The following IARS1 variants were observed in gnomAD, a reference collection of about 807,000 sequenced individuals.
IARS1 encodes the protein isoleucine--tRNA ligase, cytoplasmic.
IARS1 carries 124 observed loss-of-function variants against 168.2 expected under a neutral mutation model. That is an observed-to-expected ratio of 0.74 (90% CI 0.64 to 0.86). The LOEUF (loss-of-function observed/expected upper bound fraction) is 0.86, where lower values mean the gene tolerates loss of function less well. IARS1 is among the 40% of genes least tolerant of loss of function. The probability of loss-of-function intolerance (pLI) is 0.00; values close to 1 mark genes in which losing one functional copy is unlikely to be tolerated. For missense variants in IARS1, 1,452 were observed against 1,515.8 expected (o/e 0.96, Z 0.70); for synonymous variants, 532 against 529.4 (o/e 1.00, Z -0.07).
At chr9:92,289,829 G>A (rs1026352340) in intron 1 of IARS1, among the ~76,000 whole-genome samples, 3 of 152,096 alleles carry the variant, frequency 2.0e-5, no homozygotes, top group Non-Finnish European at 4.4e-5. Flanking sequence ...TATTGCATCT[G>A]GTTTCCTTTC....
In IARS1 at chr9:92,223,375, T is replaced by C. The variant is rs1228122014; in HGVS notation, c.3524A>G (p.Asn1175Ser). Reference sequence around the variant, plus strand: ...TGGCTTTGCATTCAGGAGCTGTAGGTTGATATACTGACAAAGAAGAGTACT... The same window carrying C: ...TGGCTTTGCATTCAGGAGCTGTAGGCTGATATACTGACAAAGAAGAGTACT... ...SSSTLLCQYI[N>S]LQLLNAKPQE... The change falls in exon 32 of 34, where the codon AAC (asparagine) becomes AGC (serine). Residue 1175 changes from asparagine (N) to serine (S), a missense_variant. Physicochemically the swap from Asn to Ser is conservative, Grantham distance 46. Transcript: ENST00000443024. 8 of 1,613,558 alleles carry C rather than the reference T, an allele frequency of 5.0e-6. No individual in the cohort carries two copies. Among genetic ancestry groups the C allele is most frequent in the East Asian group, 2.2e-5 (1 of 44,894 alleles).
At chr9:92,256,597 A>G (rs1011388607) in intron 20 of IARS1, 83 bp downstream of exon 20, 26 of 1,314,830 alleles carry the variant, frequency 2.0e-5, no homozygotes, top group Non-Finnish European at 2.4e-5. Context: ...GTATCTCTCA[A>G]TATTTCCACT....
rs372674509 is a variant in IARS1 at position 92,215,624 on chromosome 9, T to C, written c.3707-4735A>G. On this transcript the variant is annotated intron_variant, in intron 33 of 33. Transcript: ENST00000443024. Reference sequence around the variant, plus strand: ...CAAGGCTCGAGAACTACGTGAAGAATGCAGAAGCCTCAGGAGCCGATGCGA... The same window carrying C: ...CAAGGCTCGAGAACTACGTGAAGAACGCAGAAGCCTCAGGAGCCGATGCGA... Among the ~76,000 whole-genome samples the C allele has an allele frequency of 1.1e-4, 17 of 151,930 alleles. No individual in the cohort carries two copies. In the East Asian group the frequency reaches 3.3e-3, roughly 29 times the overall value.
chr9:92,279,558 G>A (rs1240001952), intron 7 of IARS1, among the ~76,000 whole-genome samples: 2 of 152,036 alleles, frequency 1.3e-5, no homozygotes, highest in Admixed American at 6.5e-5. Flanking sequence ...AACTCCCTCC[G>A]TACCTTTTTT....
At chr9:92,232,255 A>G (rs1279008256) in intron 30 of IARS1, among the ~76,000 whole-genome samples, 5 of 152,214 alleles carry the variant, frequency 3.3e-5, no homozygotes, top group Admixed American at 6.5e-5. Flanking sequence ...TTAAATGATG[A>G]ATATTCATTG....
chr9:92,241,518 G>A (rs1048517757), intron 29 of IARS1, among the ~76,000 whole-genome samples: 5 of 151,942 alleles, frequency 3.3e-5, no homozygotes, highest in African/African-American at 4.8e-5. Context: ...GCTAATTTTC[G>A]TATTTTTAGT....
At chr9:92,252,417 A>G (rs759434982) in intron 21 of IARS1, 2 of 514,038 alleles carry the variant, frequency 3.9e-6, no homozygotes, top group South Asian at 2.8e-5. Flanking sequence ...TGTGAGATAC[A>G]TCTGCACAAA....
rs953302251 is a variant in IARS1, at chr9:92,264,992, C to T, written c.1637G>A (p.Arg546Lys). ...TGCAGGAAAAGCATCCTCAAACTCC[C>T]TCTTGTTTTCAAACGGGTAATGAAC... ...AQVHYPFENKREFEDAFPADF... is the reference protein window; with the variant it reads ...AQVHYPFENKKEFEDAFPADF... Residue 546 changes from arginine to lysine, a missense_variant, in exon 16 of 34, where the codon AGG (arginine) becomes AAG (lysine). Transcript: ENST00000443024. 2.5e-6 allele frequency: 4 copies of T among 1,614,186 alleles called. No homozygotes were observed. The highest frequency in any genetic ancestry group is 2.5e-6 in the Non-Finnish European group (3 of 1,180,026).
chr9:92,231,117 G>C (rs1826609149), intron 30 of IARS1, among the ~76,000 whole-genome samples: 1 of 152,144 alleles, frequency 6.6e-6, no homozygotes, highest in South Asian at 2.1e-4. Flanking sequence ...CCCTTTTAAG[G>C]ACAGTGTTTT....
At chr9:92,282,284 T>C (rs980590515) in intron 6 of IARS1, among the ~76,000 whole-genome samples, 3 of 152,024 alleles carry the variant, frequency 2.0e-5, no homozygotes, top group African/African-American at 7.2e-5. Context: ...AGTTTGAAAC[T>C]ACATCAAAAT....
chr9:92,250,569 T>G, intron 23 of IARS1, 144 bp downstream of exon 23: 1 of 914,776 alleles, frequency 1.1e-6, no homozygotes, highest in Non-Finnish European at 1.6e-6. Flanking sequence ...GGCCCCATCC[T>G]GCAGCCTGAG....
At chr9:92,281,277 G>A (rs942015581) in intron 6 of IARS1, among the ~76,000 whole-genome samples, 10 of 151,966 alleles carry the variant, frequency 6.6e-5, no homozygotes, top group Non-Finnish European at 1.3e-4. Flanking sequence ...GGGATTATAG[G>A]TGCGTGTCAC....
intron 14 of IARS1, among the ~76,000 whole-genome samples, chr9:92,267,069 T>C (rs2133841178): frequency 6.6e-6 from 1 of 152,304 alleles, no homozygotes. Flanking sequence ...TGACATTATG[T>C]GGTGCATGAC....
In IARS1 at chr9:92,265,573, A is replaced by G; in HGVS notation, c.1432-20T>C. On this transcript the variant is annotated intron_variant, in intron 14 of 33. Transcript: ENST00000443024. ...TACCACCTGTCAAAAACAAAGTTCA[A>G]TAGCAGGAGCTCCTTAGAGCCAAAC... The G allele has an allele frequency of 6.2e-7, 1 of 1,604,216 alleles. No homozygotes were observed. The highest frequency in any genetic ancestry group is 8.5e-7 in the Non-Finnish European group (1 of 1,171,092).
At position 92,242,165 on chromosome 9, in the gene IARS1, C is replaced by T; in HGVS notation, c.3166G>A (p.Glu1056Lys). 2 of 1,610,962 alleles carry T rather than the reference C, an allele frequency of 1.2e-6. No homozygotes were observed. The highest frequency in any genetic ancestry group is 1.7e-5 in the Admixed American group (1 of 59,104). ...AACTCAGGACTCACCTGTGTTTTTT[C>T]TTGAATAAGGACTTTATCCGATGGA... is the stretch of plus-strand genomic sequence containing the variant. ...VSPSDKVLIQ[E>K]KTQLKGSELE... The change falls in exon 29 of 34, where the codon GAA (glutamate) becomes AAA (lysine). Residue 1056 changes from glutamate to lysine, a missense_variant. By Grantham distance (56) the Glu-to-Lys change is moderately conservative. Transcript: ENST00000443024.
intron 30 of IARS1, among the ~76,000 whole-genome samples, chr9:92,238,926 C>T (rs766301405): frequency 6.6e-6 from 1 of 152,128 alleles, no homozygotes; most frequent in Non-Finnish European, 1.5e-5. Context: ...GAATGATGTA[C>T]TATATAATAA....
chr9:92,251,672 T>C, intron 22 of IARS1, 136 bp downstream of exon 22: 1 of 633,954 alleles, frequency 1.6e-6, no homozygotes. Context: ...ACTAGAGCTA[T>C]AAGGTGTTAT....
intron 33 of IARS1, among the ~76,000 whole-genome samples, chr9:92,218,711 C>T: frequency 8.3e-6 from 1 of 120,138 alleles, no homozygotes; most frequent in Non-Finnish European, 1.7e-5. Flanking sequence ...ATCCAACTTA[C>T]AAGGGATGTG....
At chr9:92,258,308 C>T (rs10820961) in intron 19 of IARS1, among the ~76,000 whole-genome samples, 61,697 of 152,076 alleles carry the variant, frequency 0.41, 14,795 homozygotes, top group African/African-American at 0.66. Context: ...AACTGGCTGA[C>T]GAAGCTGGGT....
Sources: allele counts gnomAD v4.1 joint callset (sites outside exome capture counted in the v4.1 genomes callset), GRCh38; gene constraint gnomAD v4.1.1; transcripts MANE v1.5; gene names NCBI Gene and HGNC (gene_info 2026-07-23, HGNC 2026-07-21).